CENPE: variants seen among roughly 807,000 people sequenced by gnomAD.
The protein encoded by CENPE is centromere-associated protein E.
CENPE carries 145 observed loss-of-function variants against 336.1 expected under a neutral mutation model. That is an observed-to-expected ratio of 0.43 (90% confidence interval 0.38 to 0.50). The LOEUF is 0.50. CENPE is among the 20% of genes least tolerant of loss of function. The pLI is 0.00. For synonymous variants in CENPE, 1,013 were observed against 984.8 expected (o/e 1.03, Z -0.54); for missense variants, 2,719 against 3,023.3 (o/e 0.90, Z 2.36).
At chr4:103,175,370 A>G (rs1209685912) in intron 15 of CENPE, among the ~76,000 whole-genome samples, 4 of 152,004 alleles carry the variant, frequency 2.6e-5, no homozygotes, top group Admixed American at 6.6e-5. Flanking sequence ...TACACCAGAG[A>G]TTGTAAAAAA....
At chr4:103,183,164 AG>A in intron 10 of CENPE, 36 bp downstream of exon 10, 1 of 1,444,104 alleles carries the variant, frequency 6.9e-7, no homozygotes, top group Non-Finnish European at 9.7e-7. Context: ...GAAAAATATA[AG>A]AATCAGTAGG....
chr4:103,142,780 C>T (rs141363217), intron 34 of CENPE, among the ~76,000 whole-genome samples: 231 of 152,066 alleles, frequency 1.5e-3, no homozygotes, highest in African/African-American at 5.4e-3. Flanking sequence ...GAGGCCGAGG[C>T]GGGTGGATCA....
rs1183744918 is a variant in CENPE, at chr4:103,144,520, T to C, written c.4956A>G (p.Gln1652=). ...CCAGGTTTAACTTCTGGGTCTCAAA[T>C]TGCTCCTTCAAGTGTTCTATTTCAC... The part of the protein sequence containing the change: ...KMCEIEHLKE[Q]FETQKLNLEN... Residue 1652 remains glutamine (Q), a synonymous_variant, in exon 33 of 49, where the codon CAA becomes CAG. Coordinates refer to ENST00000265148, the MANE Select transcript of CENPE (RefSeq NM_001813.3). The C allele has an allele frequency of 1.9e-6, 3 of 1,614,066 alleles. No homozygotes were observed. The highest frequency in any genetic ancestry group is 2.5e-6 in the Non-Finnish European group (3 of 1,179,968).
At chr4:103,125,866 CAAAAAA>C (rs1314621341) in intron 42 of CENPE, among the ~76,000 whole-genome samples, 282 of 48,064 alleles carry the variant, frequency 5.9e-3, no homozygotes, top group African/African-American at 0.02. Flanking sequence ...GACTCCATCT[CAAAAAA>C]AAAAAAAAAA....
At chr4:103,166,762 G>T (rs1408312175) in intron 16 of CENPE, among the ~76,000 whole-genome samples, 1 of 151,856 alleles carries the variant, frequency 6.6e-6, no homozygotes, top group Admixed American at 6.6e-5. Flanking sequence ...TTTTTTGAAG[G>T]GGGGATGTTC....
In CENPE at chr4:103,198,302, G is replaced by A. The variant is rs1298458820; in HGVS notation, c.18C>T (p.Ala6=). The A allele has an allele frequency of 4.5e-6, 7 of 1,551,120 alleles. No individual in the cohort carries two copies. The highest frequency in any genetic ancestry group is 2.0e-5 in the Admixed American group (1 of 51,010). MAEEG[A]VAVCVRVRPL... Reference sequence around the variant, plus strand: ...GCCGCACTCGCACGCAGACGGCCACGGCTCCTTCCTCCGCCATCCTATCAG... The same window carrying A: ...GCCGCACTCGCACGCAGACGGCCACAGCTCCTTCCTCCGCCATCCTATCAG... Residue 6 remains alanine (A), a synonymous_variant, in exon 1 of 49, where the codon GCC becomes GCT. Coordinates refer to ENST00000265148, the MANE Select transcript of CENPE (RefSeq NM_001813.3).
At chr4:103,171,999 C>T (rs1240799775) in intron 16 of CENPE, among the ~76,000 whole-genome samples, 1 of 151,768 alleles carries the variant, frequency 6.6e-6, no homozygotes, top group Non-Finnish European at 1.5e-5. Flanking sequence ...AAAGAAAGGC[C>T]CAGGACCTGA....
intron 26 of CENPE, among the ~76,000 whole-genome samples, chr4:103,150,500 C>A (rs1015771779): frequency 2.0e-5 from 3 of 151,832 alleles, no homozygotes; most frequent in Admixed American, 6.6e-5. Flanking sequence ...GGAGGACAGC[C>A]TGAACCCAGG....
chr4:103,137,838 T>A (rs1379490528), intron 39 of CENPE, among the ~76,000 whole-genome samples: 1 of 152,170 alleles, frequency 6.6e-6, no homozygotes, highest in Non-Finnish European at 1.5e-5. Flanking sequence ...TTAAGAGTCA[T>A]CCCTTTAAAA....
At chr4:103,182,600 G>A (rs895924113) in intron 11 of CENPE, among the ~76,000 whole-genome samples, 162 bp downstream of exon 11, 18 of 152,074 alleles carry the variant, frequency 1.2e-4, no homozygotes, top group South Asian at 4.2e-4. Context: ...ACAAATAATC[G>A]AAGTCTGGCA....
At chr4:103,179,882 AAAGT>A (rs373870792) in intron 13 of CENPE, among the ~76,000 whole-genome samples, 41 of 152,322 alleles carry the variant, frequency 2.7e-4, no homozygotes, top group African/African-American at 8.9e-4. Context: ...TCACACCAAC[AAAGT>A]AAGAATTTTG....
chr4:103,127,407 G>A (rs1487886029), intron 42 of CENPE, among the ~76,000 whole-genome samples: 1 of 152,054 alleles, frequency 6.6e-6, no homozygotes, highest in African/African-American at 2.4e-5. Flanking sequence ...AAAAATGGAG[G>A]GAATTTGCTG....
intron 18 of CENPE, among the ~76,000 whole-genome samples, chr4:103,161,670 A>C (rs544599567): frequency 3.5e-4 from 54 of 152,280 alleles, no homozygotes; most frequent in Middle Eastern, 6.8e-3. Flanking sequence ...GCAATATATC[A>C]AATTATATAA....
At chr4:103,152,630 T>C (rs1753652195) in intron 25 of CENPE, among the ~76,000 whole-genome samples, 1 of 152,066 alleles carries the variant, frequency 6.6e-6, no homozygotes, top group Non-Finnish European at 1.5e-5. Context: ...TTTCCATCAA[T>C]AGGAAAAAGA....
At chr4:103,145,390 C>T in intron 31 of CENPE, 56 bp from the exon 32 acceptor site, 1 of 1,330,634 alleles carries the variant, frequency 7.5e-7, no homozygotes, top group South Asian at 1.4e-5. Flanking sequence ...AACACACACA[C>T]ACACATACAC....
Position 103,145,160 on chromosome 4 carries a change from C to G in CENPE, c.4747G>C (p.Glu1583Gln), listed in dbSNP as rs1156400102. The G allele has an allele frequency of 6.2e-7, 1 of 1,612,666 alleles. No individual in the cohort carries two copies. ...ELTNRLQESQ[E>Q]EIQIMIKEKE... is the part of the protein sequence containing the mutation. ...TCCTTAATCATAATTTGTATTTCTT[C>G]TTGACTTTCTTGAAGTCTGTTGGTC... Residue 1583 changes from glutamate to glutamine, a missense_variant, in exon 32 of 49, where the codon GAA (glutamate) becomes CAA (glutamine). Coordinates refer to ENST00000265148, the MANE Select transcript of CENPE (RefSeq NM_001813.3).
chr4:103,140,434 C>A lies in CENPE; in HGVS notation c.5755-20G>T. On this transcript the variant is annotated intron_variant, in intron 36 of 48. Transcript: ENST00000265148. ...CAGATCCTTTATGGTTAGAAGAAAT[C>A]AAGAAATGTAATGATATAAAGGCAC... The A allele has an allele frequency of 1.3e-6, 2 of 1,514,262 alleles. No individual in the cohort carries two copies. Among genetic ancestry groups the A allele is most frequent in the South Asian group, 1.3e-5 (1 of 77,648 alleles). The allele number at this position is 1,514,262 out of a possible 1,614,324, so 93.8% of individuals were successfully genotyped here. A position where few individuals can be genotyped will look rare whatever the true frequency, so the allele number is the denominator to read the frequency against.
At chr4:103,114,408 G>T in intron 46 of CENPE, 47 bp downstream of exon 46, 3 of 1,136,832 alleles carry the variant, frequency 2.6e-6, no homozygotes, top group Non-Finnish European at 4.0e-6. Flanking sequence ...TCTGTTGTGT[G>T]TTGAGAAGTA....
At chr4:103,117,819 G>C (rs1377541946) in intron 44 of CENPE, among the ~76,000 whole-genome samples, 2 of 152,006 alleles carry the variant, frequency 1.3e-5, no homozygotes, top group Non-Finnish European at 2.9e-5. Context: ...AGTAAAGACA[G>C]TGTTTGCCAT....
Sources: gnomAD v4.1 joint callset for allele counts (sites outside exome capture counted in the v4.1 genomes callset) on GRCh38, gnomAD v4.1.1 for gene constraint, MANE v1.5 for transcripts, NCBI Gene and HGNC (gene_info 2026-07-23, HGNC 2026-07-21) for gene names.